The following PCDHB13 variants were observed in gnomAD, a reference collection of about 807,000 sequenced individuals.
PCDHB13 encodes the protein protocadherin beta 13.
For missense variants in PCDHB13, 1,065 were observed against 1,016.7 expected (o/e 1.05, Z -0.65); for synonymous variants, 515 against 450.7 (o/e 1.14, Z -1.81).
rs34392860 is a variant in PCDHB13, at chr5:141,216,878, CATTT to C, written c.*359_*362del. 3,493 of 322,532 alleles carry C rather than the reference CATTT, an allele frequency of 0.011. 119 individuals are homozygous for C. The highest frequency in any genetic ancestry group is 0.074 in the African/African-American group (3,281 of 44,366). The allele number at this position is 322,532 out of a possible 1,614,324, so 20.0% of individuals were successfully genotyped here. On this transcript the variant is annotated 3_prime_UTR_variant, in exon 1 of 1. Transcript: ENST00000341948. ...TGATTCCAATTTTCCAGCATTTCTT[CATTT>C]GATTCTCTTTTTTTAGTCTTAAAAT...
At position 141,217,484 on chromosome 5, in the gene PCDHB13, T is replaced by A. The variant is rs1339366149; in HGVS notation, c.*964T>A. ...TATTTCATTCTATTCAATTTTCAAA[T>A]GTGGTCATGATCCACTAAATTTATT... On this transcript the variant is annotated 3_prime_UTR_variant, in exon 1 of 1. Transcript: ENST00000341948. 2 of 167,052 alleles carry A rather than the reference T, an allele frequency of 1.2e-5. No individual in the cohort carries two copies. Among genetic ancestry groups the A allele is most frequent in the African/African-American group, 4.8e-5 (2 of 41,398 alleles). The allele number at this position is 167,052 out of a possible 1,614,324, so 10.3% of individuals were successfully genotyped here.
chr5:141,216,430 G>T lies in PCDHB13; in HGVS notation c.2307G>T (p.Pro769=). Residue 769 remains proline (P), a synonymous_variant, in exon 1 of 1, where the codon CCG becomes CCT. Coordinates refer to ENST00000341948, the MANE Select transcript of PCDHB13 (RefSeq NM_018933.4). ...CCAATGAGTTCAAGTTCCTGAAGCC[G>T]ATTATCCCCAACTTCCCTCCCCAGT... ...SGTNEFKFLK[P]IIPNFPPQCP... The T allele has an allele frequency of 1.2e-6, 2 of 1,614,130 alleles. No individual in the cohort carries two copies. Among genetic ancestry groups the T allele is most frequent in the Non-Finnish European group, 1.7e-6 (2 of 1,180,036 alleles).
At position 141,215,041 on chromosome 5, in the gene PCDHB13, AC is replaced by A. The variant is rs782360162; in HGVS notation, c.919del (p.Gln307AsnfsTer29). ...TGACAGGAGAAATTGAACTAAAAAA[AC>A]AACTCGATTTCGAAAAACTTCAGTC... ...PLTGEIELKK[Q>X]LDFEKLQSYE... On this transcript the variant is annotated frameshift_variant, in exon 1 of 1. Transcript: ENST00000341948. LOFTEE classifies it low-confidence loss of function (END_TRUNC). The A allele has an allele frequency of 2.8e-5, 45 of 1,614,090 alleles. 1 individual carries two copies. The highest frequency in any genetic ancestry group is 1.6e-4 in the Middle Eastern group (1 of 6,084).
chr5:141,215,695 G>A lies in PCDHB13; in HGVS notation c.1572G>A (p.Leu524=). 2 of 1,612,966 alleles carry A rather than the reference G, an allele frequency of 1.2e-6. No individual in the cohort carries two copies. The highest frequency in any genetic ancestry group is 1.1e-5 in the South Asian group (1 of 91,024). Reference sequence around the variant, plus strand: ...TCAGGTCTCTGGACTACGAGGCCCTGCAGGGGTTCCAGTTCCGCGTGGGCG... The same window carrying A: ...TCAGGTCTCTGGACTACGAGGCCCTACAGGGGTTCCAGTTCCGCGTGGGCG... ...FALRSLDYEA[L]QGFQFRVGAS... The change falls in exon 1 of 1, where the codon CTG becomes CTA. Residue 524 remains leucine (L), a synonymous_variant. Transcript: ENST00000341948.
chr5:141,218,227 G>A lies in PCDHB13; in HGVS notation c.*1707G>A, dbSNP rs903144195. 6.0e-6 allele frequency: 1 copy of A among 166,214 alleles called. No individual in the cohort carries two copies. Among genetic ancestry groups the A allele is most frequent in the African/African-American group, 2.4e-5 (1 of 41,404 alleles). 10.3% of individuals were successfully genotyped at this position (166,214 alleles called of 1,614,324 possible). A position where few individuals can be genotyped will look rare whatever the true frequency, so the allele number is the denominator to read the frequency against. Reference sequence around the variant, plus strand: ...GCCTCCCAAAGTGCTATGATTACAGGTATGAGCACCTGGCCTCAACTACTT... The same window carrying A: ...GCCTCCCAAAGTGCTATGATTACAGATATGAGCACCTGGCCTCAACTACTT... On this transcript the variant is annotated 3_prime_UTR_variant, in exon 1 of 1. Transcript: ENST00000341948.
chr5:141,214,385 A>T lies in PCDHB13; in HGVS notation c.262A>T (p.Asn88Tyr), dbSNP rs1277881668. 16 of 1,411,378 alleles carry T rather than the reference A, an allele frequency of 1.1e-5. No homozygotes were observed. The African/African-American group carries it at 1.2e-4, about 10-fold the overall frequency. The allele number at this position is 1,411,378 out of a possible 1,614,324, so 87.4% of individuals were successfully genotyped here. A position where few individuals can be genotyped will look rare whatever the true frequency, so the allele number is the denominator to read the frequency against. ...TCAGGAGACCGCGGATTTGTTGCTAAATGAGAAATTGGACCGTGAGGATCT... is the reference window on the plus strand; with the variant it reads ...TCAGGAGACCGCGGATTTGTTGCTATATGAGAAATTGGACCGTGAGGATCT... Reference protein sequence around the residue: ...LNQETADLLLNEKLDREDLCG... With the variant: ...LNQETADLLLYEKLDREDLCG... The change falls in exon 1 of 1, where the codon AAT (asparagine) becomes TAT (tyrosine). Residue 88 changes from asparagine to tyrosine, a missense_variant. By Grantham distance (143) the Asn-to-Tyr change is moderately radical. Transcript: ENST00000341948.
chr5:141,215,640 T>C lies in PCDHB13; in HGVS notation c.1517T>C (p.Ile506Thr), dbSNP rs1554287976. 6.2e-7 allele frequency: 1 copy of C among 1,613,438 alleles called. No homozygotes were observed. The highest frequency in any genetic ancestry group is 1.3e-5 in the African/African-American group (1 of 75,044). Residue 506 changes from isoleucine to threonine, a missense_variant, in exon 1 of 1, where the codon ATC becomes ACC. Coordinates refer to ENST00000341948, the MANE Select transcript of PCDHB13 (RefSeq NM_018933.4). ...CTGCCCCTCACATCCCTGGTCTCCATCAACGCGGACAACGGCCACCTGTTC... is the reference window on the plus strand; with the variant it reads ...CTGCCCCTCACATCCCTGGTCTCCACCAACGCGGACAACGGCCACCTGTTC... ...PHLPLTSLVSINADNGHLFAL... is the reference protein window; with the variant it reads ...PHLPLTSLVSTNADNGHLFAL...
Position 141,216,243 on chromosome 5 carries a change from T to C in PCDHB13, c.2120T>C (p.Leu707Pro), listed in dbSNP as rs1754607629. The C allele has an allele frequency of 1.2e-6, 2 of 1,613,330 alleles. No individual in the cohort carries two copies. The highest frequency in any genetic ancestry group is 1.3e-5 in the African/African-American group (1 of 74,910). Residue 707 changes from leucine (L) to proline (P), a missense_variant, in exon 1 of 1, where the codon CTG becomes CCG. Transcript: ENST00000341948. Reference protein sequence around the residue: ...VSSLFLFSVLLFVAVRLCRRS... With the variant: ...VSSLFLFSVLPFVAVRLCRRS... ...TCGCTCTTCCTCTTTTCGGTGCTCCTGTTCGTGGCGGTGCGGCTGTGTAGG... is the reference window on the plus strand; with the variant it reads ...TCGCTCTTCCTCTTTTCGGTGCTCCCGTTCGTGGCGGTGCGGCTGTGTAGG...
In PCDHB13 at chr5:141,216,504, G is replaced by C; in HGVS notation, c.2381G>C (p.Gly794Ala). The change falls in exon 1 of 1, where the codon GGG becomes GCG. Residue 794 changes from glycine to alanine, a missense_variant. Gly to Ala is a moderately conservative substitution (Grantham distance 60). Coordinates refer to ENST00000341948, the MANE Select transcript of PCDHB13 (RefSeq NM_018933.4). ...QGNSTFPNNF[G>A]FNIQ The stretch of plus-strand genomic sequence containing the variant: ...AATTCTACCTTCCCCAATAACTTTG[G>C]GTTCAATATTCAGTGACCATAGTTG... 1 of 1,613,440 alleles carries C rather than the reference G, an allele frequency of 6.2e-7. No individual in the cohort carries two copies. Among genetic ancestry groups the C allele is most frequent in the Non-Finnish European group, 8.5e-7 (1 of 1,179,630 alleles).
In PCDHB13 at chr5:141,215,796, C is replaced by G; in HGVS notation, c.1673C>G (p.Ser558Trp). ...RVVVLDANDN[S>W]PFVLYPLQNG... ...GTGGTGCTGGACGCCAACGACAACT[C>G]GCCCTTCGTGCTGTACCCGCTGCAG... The change falls in exon 1 of 1, where the codon TCG (serine) becomes TGG (tryptophan). Residue 558 changes from serine to tryptophan, a missense_variant. Coordinates refer to ENST00000341948, the MANE Select transcript of PCDHB13 (RefSeq NM_018933.4). 6.2e-7 allele frequency: 1 copy of G among 1,611,592 alleles called. No individual in the cohort carries two copies. The highest frequency in any genetic ancestry group is 8.5e-7 in the Non-Finnish European group (1 of 1,179,670).
Position 141,214,871 on chromosome 5 carries a change from G to C in PCDHB13, c.748G>C (p.Val250Leu). 3 of 1,614,188 alleles carry C rather than the reference G, an allele frequency of 1.9e-6. No individual in the cohort carries two copies. Among genetic ancestry groups the C allele is most frequent in the Non-Finnish European group, 2.5e-6 (3 of 1,180,014 alleles). ...TGAATTTGAGCAGCCTTTCTATAGA[G>C]TGCAGATCTCTGAGGACAGTCCGGT... ...APEFEQPFYR[V>L]QISEDSPVGF... is the part of the protein sequence containing the mutation. Residue 250 changes from valine (V) to leucine (L), a missense_variant, in exon 1 of 1, where the codon GTG becomes CTG. Physicochemically the swap from Val to Leu is conservative, Grantham distance 32 (BLOSUM62 1). Transcript: ENST00000341948.
chr5:141,215,332 A>C lies in PCDHB13; in HGVS notation c.1209A>C (p.Leu403=). Residue 403 remains leucine (L), a synonymous_variant, in exon 1 of 1, where the codon CTA becomes CTC. Coordinates refer to ENST00000341948, the MANE Select transcript of PCDHB13 (RefSeq NM_018933.4). ...AATCCGCGGAAAACTTTTACACCCT[A>C]CTAACGGAGAGACCACTAGACAGAG... is the stretch of plus-strand genomic sequence containing the variant. The part of the protein sequence containing the change: ...LLKSAENFYT[L]LTERPLDRES... 1 of 1,614,058 alleles carries C rather than the reference A, an allele frequency of 6.2e-7. No homozygotes were observed.
Position 141,216,361 on chromosome 5 carries a change from C to T in PCDHB13, c.2238C>T (p.Ser746=), listed in dbSNP as rs144783966. 6.2e-7 allele frequency: 1 copy of T among 1,614,028 alleles called. No homozygotes were observed. Among genetic ancestry groups the T allele is most frequent in the African/African-American group, 1.3e-5 (1 of 74,916 alleles). ...ACATGAGCGGCACCAGGACCCTATC[C>T]CAGAGCTACCAGTATGAGGTGTGTC... ...LVDMSGTRTL[S]QSYQYEVCLA... The change falls in exon 1 of 1, where the codon TCC becomes TCT. Residue 746 remains serine (S), a synonymous_variant. Transcript: ENST00000341948.
rs782650727 is a variant in PCDHB13 at position 141,215,932 on chromosome 5, G to T, written c.1809G>T (p.Ser603=). The T allele has an allele frequency of 5.0e-6, 8 of 1,606,870 alleles. No homozygotes were observed. In the Admixed American group the frequency reaches 8.3e-5, roughly 17 times the overall value. ...ACTCGGGCCAGAACGCCTGGCTGTC[G>T]TACCAGCTGCTCAAGGCCACGGAGC... ...DGDSGQNAWL[S]YQLLKATELG... is the part of the protein sequence containing the mutation. The change falls in exon 1 of 1, where the codon TCG becomes TCT. Residue 603 remains serine (S), a synonymous_variant. Transcript: ENST00000341948.
rs201150911 is a variant in PCDHB13, at chr5:141,216,173, G to A, written c.2050G>A (p.Asp684Asn). 263 of 1,612,302 alleles carry A rather than the reference G, an allele frequency of 1.6e-4. No homozygotes were observed. The highest frequency in any genetic ancestry group is 1.1e-4 in the Non-Finnish European group (126 of 1,179,844). Residue 684 changes from aspartate to asparagine, a missense_variant, in exon 1 of 1, where the codon GAC (aspartate) becomes AAC (asparagine). Asp to Asn is a conservative substitution (Grantham distance 23). Transcript: ENST00000341948. ...GGCGGCCCCGACCCAGGCCCAGGCC[G>A]ACTTGCTCACCGTCTACCTGGTGGT... is the stretch of plus-strand genomic sequence containing the variant. ...PEAAPTQAQA[D>N]LLTVYLVVAL...
chr5:141,215,535 G>C lies in PCDHB13; in HGVS notation c.1412G>C (p.Arg471Pro). Reference sequence around the variant, plus strand: ...AACAACAGCCCCGCCCTGCACATCCGCAGCGTCAGCGCTACAGACAGAGAC... The same window carrying C: ...AACAACAGCCCCGCCCTGCACATCCCCAGCGTCAGCGCTACAGACAGAGAC... ...RENNSPALHIRSVSATDRDSG... is the reference protein window; with the variant it reads ...RENNSPALHIPSVSATDRDSG... Residue 471 changes from arginine to proline, a missense_variant, in exon 1 of 1, where the codon CGC becomes CCC. Transcript: ENST00000341948. 1.2e-6 allele frequency: 2 copies of C among 1,613,752 alleles called. No homozygotes were observed. Among genetic ancestry groups the C allele is most frequent in the Non-Finnish European group, 1.7e-6 (2 of 1,179,900 alleles).
In PCDHB13 at chr5:141,218,096, C is replaced by G. The variant is rs986738199; in HGVS notation, c.*1576C>G. On this transcript the variant is annotated 3_prime_UTR_variant, in exon 1 of 1. Coordinates refer to ENST00000341948, the MANE Select transcript of PCDHB13 (RefSeq NM_018933.4). ...TCCCTAGTACCCAGGACTACAGGCC[C>G]AGGCCACCACACCCACTAATTTTTG... 3 of 154,122 alleles carry G rather than the reference C, an allele frequency of 1.9e-5. No individual in the cohort carries two copies. Among genetic ancestry groups the G allele is most frequent in the Non-Finnish European group, 4.4e-5 (3 of 68,198 alleles). The allele number at this position is 154,122 out of a possible 1,614,324, so 9.5% of individuals were successfully genotyped here.
chr5:141,216,131 T>C lies in PCDHB13; in HGVS notation c.2008T>C (p.Tyr670His). Reference protein sequence around the residue: ...VLLVDGFSQPYLPLPEAAPTQ... With the variant: ...VLLVDGFSQPHLPLPEAAPTQ... ...CCTGGTGGACGGCTTCTCCCAGCCC[T>C]ACCTGCCTCTCCCGGAGGCGGCCCC... The change falls in exon 1 of 1, where the codon TAC becomes CAC. Residue 670 changes from tyrosine (Y) to histidine (H), a missense_variant. Coordinates refer to ENST00000341948, the MANE Select transcript of PCDHB13 (RefSeq NM_018933.4). The C allele has an allele frequency of 6.2e-7, 1 of 1,610,384 alleles. No homozygotes were observed.
Position 141,215,599 on chromosome 5 carries a change from G to T in PCDHB13, c.1476G>T (p.Pro492=), listed in dbSNP as rs1231650735. The change falls in exon 1 of 1, where the codon CCG becomes CCT. Residue 492 remains proline, a synonymous_variant. Coordinates refer to ENST00000341948, the MANE Select transcript of PCDHB13 (RefSeq NM_018933.4). The stretch of plus-strand genomic sequence containing the variant: ...CCCAGGTCACCTACTCGCTGCTGCC[G>T]CCCCAGGACCCGCACCTGCCCCTCA... The part of the protein sequence containing the change: ...TNAQVTYSLL[P]PQDPHLPLTS... The T allele has an allele frequency of 1.9e-6, 3 of 1,612,132 alleles. No homozygotes were observed. Among genetic ancestry groups the T allele is most frequent in the African/African-American group, 1.3e-5 (1 of 74,898 alleles).
Sources: gnomAD v4.1 joint callset for allele counts on GRCh38, gnomAD v4.1.1 for gene constraint, MANE v1.5 for transcripts, NCBI Gene and HGNC (gene_info 2026-07-23, HGNC 2026-07-21) for gene names.